Variants in PROX1 observed in about 807,000 individuals in gnomAD.
The protein encoded by PROX1 is prospero homeobox 1.
Under a neutral mutation model 58.8 loss-of-function variants are expected in PROX1, and 7 were observed. The ratio of observed to expected loss-of-function variants is 0.12; its 90% confidence interval spans 0.07 to 0.22. PROX1 has a LOEUF of 0.22. PROX1 is among the 10% of genes least tolerant of loss of function. PROX1 has a pLI of 1.00. For synonymous variants in PROX1, 350 were observed against 358.3 expected, an observed-to-expected ratio of 0.98 and a Z score of 0.26; for missense variants, 675 against 927.8, an observed-to-expected ratio of 0.73 and a Z score of 3.54.
chr1:214,004,021 TTCTTA>T (rs1663620379), intron 2 of PROX1, among the ~76,000 whole-genome samples: 1 of 152,250 alleles, frequency 6.6e-6, no homozygotes, highest in South Asian at 2.1e-4. Flanking sequence ...TTTCTTTTTT[TTCTTA>T]TTTTTCTTAG....
intron 1 of PROX1, among the ~76,000 whole-genome samples, chr1:213,995,963 T>G (rs1368294029): frequency 6.6e-6 from 1 of 152,236 alleles, no homozygotes; most frequent in Non-Finnish European, 1.5e-5. Flanking sequence ...CTATTATATA[T>G]TTGCATTTAT....
chr1:214,008,262 C>T (rs1029766876), intron 3 of PROX1, among the ~76,000 whole-genome samples: 1 of 151,978 alleles, frequency 6.6e-6, no homozygotes, highest in African/African-American at 2.4e-5. Context: ...ACCATGTTGG[C>T]GAAGCTTGTC....
At chr1:214,026,851 G>T (rs1664475428) in intron 4 of PROX1, among the ~76,000 whole-genome samples, 2 of 152,162 alleles carry the variant, frequency 1.3e-5, no homozygotes, top group South Asian at 4.1e-4. Context: ...CTCCTGTGAT[G>T]CTTTTCCATG....
At chr1:213,983,757 G>T (rs1057397943), upstream of PROX1, 1 of 152,180 alleles carries the variant, frequency 6.6e-6, no homozygotes, top group Non-Finnish European at 1.5e-5. Flanking sequence ...CAGCTTCTTC[G>T]CTACTATGGA....
rs558666428 is a variant in PROX1, at chr1:214,015,569, G to A, written c.2028+3854G>A. ...AACTGTGGCAGGAAAAGAAGATGAC[G>A]ATCTCTGTCAGTTTCTGAGGCTGGT... is the stretch of plus-strand genomic sequence containing the variant. On this transcript the variant is annotated intron_variant, in intron 4 of 4. Transcript: ENST00000366958. 3.3e-5 allele frequency among the ~76,000 whole-genome samples: 5 copies of A among 152,016 alleles called. No individual in the cohort carries two copies. The South Asian group carries it at 8.4e-4, about 25-fold the overall frequency.
At position 214,037,156 on chromosome 1, in the gene PROX1, A is replaced by C. The variant is rs1322097796; in HGVS notation, c.*1322A>C. 6.6e-6 allele frequency: 1 copy of C among 151,782 alleles called. No individual in the cohort carries two copies. Among genetic ancestry groups the C allele is most frequent in the Non-Finnish European group, 1.5e-5 (1 of 67,928 alleles). 9.4% of individuals were successfully genotyped at this position (151,782 alleles called of 1,614,324 possible). A position where few individuals can be genotyped will look rare whatever the true frequency, so the allele number is the denominator to read the frequency against. On this transcript the variant is annotated 3_prime_UTR_variant, in exon 5 of 5. Transcript: ENST00000366958. The stretch of plus-strand genomic sequence containing the variant: ...ATGGTTCTCCTCTTTTTTCCCTTTT[A>C]TTTTTCCCTGTTTTTCAATGATGTA...
chr1:214,002,412 CTTT>C (rs774337530), intron 2 of PROX1, among the ~76,000 whole-genome samples: 3 of 116,362 alleles, frequency 2.6e-5, no homozygotes, highest in Admixed American at 9.6e-5. Context: ...TTTCTTTTTT[CTTT>C]TTTTTTTTTT....
At chr1:214,023,438 C>A (rs1664351910) in intron 4 of PROX1, among the ~76,000 whole-genome samples, 1 of 152,036 alleles carries the variant, frequency 6.6e-6, no homozygotes. Flanking sequence ...CTCACCACAA[C>A]CTCCACCTCT....
chr1:214,016,436 G>A (rs912373300), intron 4 of PROX1, among the ~76,000 whole-genome samples: 15 of 152,166 alleles, frequency 9.9e-5, no homozygotes, highest in African/African-American at 2.7e-4. Context: ...ATGAGTGATC[G>A]TTTAGAAAAC....
At chr1:214,013,739 C>G (rs567793140) in intron 4 of PROX1, among the ~76,000 whole-genome samples, 1 of 152,216 alleles carries the variant, frequency 6.6e-6, no homozygotes, top group African/African-American at 2.4e-5. Flanking sequence ...TAATATTTCT[C>G]TCTTTGTGAA....
chr1:214,016,085 T>C (rs1664084374), intron 4 of PROX1, among the ~76,000 whole-genome samples: 1 of 152,168 alleles, frequency 6.6e-6, no homozygotes, highest in Non-Finnish European at 1.5e-5. Flanking sequence ...TTAGAGACTG[T>C]GGGTTTGACA....
At chr1:214,029,187 CTATT>C (rs1315749322) in intron 4 of PROX1, 1 of 152,256 alleles carries the variant, frequency 6.6e-6, no homozygotes, top group African/African-American at 2.4e-5. Context: ...AGTACTTCAA[CTATT>C]TGTCTCCTTC....
At position 213,988,379 on chromosome 1, in the gene PROX1, C is replaced by A. The variant is rs1662885890; in HGVS notation, c.-172C>A. Reference sequence around the variant, plus strand: ...CAAGATATCACCGTGTGTGCACTCGCGTGTTTTCCTCTCTCTGCCGGGGGA... The same window carrying A: ...CAAGATATCACCGTGTGTGCACTCGAGTGTTTTCCTCTCTCTGCCGGGGGA... On this transcript the variant is annotated 5_prime_UTR_variant, in exon 1 of 5. Coordinates refer to ENST00000366958, the MANE Select transcript of PROX1 (RefSeq NM_001270616.2). The A allele has an allele frequency of 6.9e-6, 1 of 144,610 alleles. No homozygotes were observed. Among genetic ancestry groups the A allele is most frequent in the African/African-American group, 2.5e-5 (1 of 39,884 alleles). The allele number at this position is 144,610 out of a possible 1,614,324, so 9.0% of individuals were successfully genotyped here. A position where few individuals can be genotyped will look rare whatever the true frequency, so the allele number is the denominator to read the frequency against.
chr1:214,001,304 C>T (rs1663502312), intron 2 of PROX1, among the ~76,000 whole-genome samples: 2 of 152,246 alleles, frequency 1.3e-5, no homozygotes, highest in Middle Eastern at 6.8e-3. Context: ...GCACCTGCTC[C>T]AAGGGCTCAT....
intron 1 of PROX1, among the ~76,000 whole-genome samples, chr1:213,993,715 A>G (rs78321699): frequency 0.036 from 5,451 of 152,298 alleles, 157 homozygotes; most frequent in Non-Finnish European, 0.046. Context: ...TCTAAGCTAT[A>G]TGGAGAGATA....
At chr1:213,994,799 A>G (rs191017278) in intron 1 of PROX1, among the ~76,000 whole-genome samples, 1 of 119,600 alleles carries the variant, frequency 8.4e-6, no homozygotes, top group Non-Finnish European at 1.7e-5. Flanking sequence ...ATATATATAT[A>G]TATAAAGAGG....
upstream of PROX1, among the ~76,000 whole-genome samples, chr1:213,986,859 G>A (rs1481489031): frequency 6.6e-6 from 1 of 152,176 alleles, no homozygotes; most frequent in Non-Finnish European, 1.5e-5. Flanking sequence ...AGCCCAAGGA[G>A]ATCTTTAAGA....
intron 4 of PROX1, among the ~76,000 whole-genome samples, chr1:214,025,663 C>CTTT (rs539954941): frequency 1.1e-4 from 15 of 136,530 alleles, no homozygotes; most frequent in African/African-American, 2.7e-4. Flanking sequence ...TCTGTGATTC[C>CTTT]TTTTTTTTTT....
At chr1:214,017,006 A>C (rs534966959) in intron 4 of PROX1, among the ~76,000 whole-genome samples, 48 of 152,270 alleles carry the variant, frequency 3.2e-4, no homozygotes, top group Middle Eastern at 3.4e-3. Flanking sequence ...GACCTTTCTC[A>C]ACATTCTTAA....
Sources: gnomAD v4.1 joint callset for allele counts (sites outside exome capture counted in the v4.1 genomes callset) on GRCh38, gnomAD v4.1.1 for gene constraint, MANE v1.5 for transcripts, NCBI Gene and HGNC (gene_info 2026-07-23, HGNC 2026-07-21) for gene names.